The following UNC5C variants were observed in gnomAD, a reference collection of about 807,000 sequenced individuals.
UNC5C encodes unc-5 netrin receptor C, also known as netrin receptor UNC5C.
Under a neutral mutation model 99.8 loss-of-function variants are expected in UNC5C, and 47 were observed. The ratio of observed to expected loss-of-function variants is 0.47; its 90% CI spans 0.37 to 0.60. The LOEUF is 0.60. Among genes scored for constraint, UNC5C ranks in the 20% least tolerant of loss-of-function variants. The pLI, the probability that UNC5C is intolerant of heterozygous loss-of-function variation, is 0.00. For missense variants in UNC5C, 1,062 were observed against 1,165.9 expected, an observed-to-expected ratio of 0.91 and a Z score of 1.30; for synonymous variants, 487 against 452.2, an observed-to-expected ratio of 1.08 and a Z score of -0.98.
At chr4:95,224,961 C>T (rs777307770) in intron 7 of UNC5C, among the ~76,000 whole-genome samples, 1 of 150,188 alleles carries the variant, frequency 6.7e-6, no homozygotes, top group African/African-American at 2.5e-5. Flanking sequence ...ACAATAAATA[C>T]GAAAGTCCTG....
At chr4:95,270,309 A>G (rs1475495479) in intron 4 of UNC5C, among the ~76,000 whole-genome samples, 1 of 152,200 alleles carries the variant, frequency 6.6e-6, no homozygotes, top group East Asian at 1.9e-4. Context: ...TGTGTTGACC[A>G]CTGTGAAATA....
intron 1 of UNC5C, among the ~76,000 whole-genome samples, chr4:95,545,562 A>C (rs904893524): frequency 3.3e-5 from 5 of 152,162 alleles, no homozygotes; most frequent in Admixed American, 1.3e-4. Flanking sequence ...TAAAAAAAAA[A>C]ACTATGAATT....
At position 95,168,442 on chromosome 4, in the gene UNC5C, A is replaced by T. The variant is rs906737544; in HGVS notation, c.*792T>A. Reference sequence around the variant, plus strand: ...ACCTGTAAATAATAATAATACCTTTAAAAAAAAACACTTCATATTGCATAT... The same window carrying T: ...ACCTGTAAATAATAATAATACCTTTTAAAAAAAACACTTCATATTGCATAT... On this transcript the variant is annotated 3_prime_UTR_variant, in exon 16 of 16. Coordinates refer to ENST00000453304, the MANE Select transcript of UNC5C (RefSeq NM_003728.4). 3 of 149,490 alleles carry T rather than the reference A, an allele frequency of 2.0e-5. No individual in the cohort carries two copies. Among genetic ancestry groups the T allele is most frequent in the Non-Finnish European group, 4.5e-5 (3 of 67,168 alleles). 9.3% of individuals were successfully genotyped at this position (149,490 alleles called of 1,614,324 possible).
At chr4:95,462,227 ATAT>A (rs1247377333) in intron 1 of UNC5C, among the ~76,000 whole-genome samples, 2 of 152,146 alleles carry the variant, frequency 1.3e-5, no homozygotes. Flanking sequence ...ATGTGTACAC[ATAT>A]TATACCAAAG....
intron 7 of UNC5C, among the ~76,000 whole-genome samples, chr4:95,227,526 G>A (rs1738745189): frequency 6.6e-6 from 1 of 152,126 alleles, no homozygotes; most frequent in African/African-American, 2.4e-5. Flanking sequence ...ACAGACTAAA[G>A]GAGATTCGAT....
chr4:95,237,610 A>G (rs2149376292), intron 7 of UNC5C, among the ~76,000 whole-genome samples: 1 of 152,328 alleles, frequency 6.6e-6, no homozygotes. Context: ...TCTAAAAACT[A>G]TAAAGCCCAT....
chr4:95,291,412 C>T (rs1421691465), intron 3 of UNC5C, among the ~76,000 whole-genome samples: 1 of 152,152 alleles, frequency 6.6e-6, no homozygotes, highest in African/African-American at 2.4e-5. Context: ...TAGCCATAAA[C>T]TTCACTTTTC....
At chr4:95,367,380 T>A (rs544436195) in intron 1 of UNC5C, among the ~76,000 whole-genome samples, 1 of 151,992 alleles carries the variant, frequency 6.6e-6, no homozygotes, top group African/African-American at 2.4e-5. Context: ...GGTTTCGCCA[T>A]GTTGCCCAGG....
In UNC5C at chr4:95,165,161, A is replaced by G. The variant is rs984949252; in HGVS notation, c.*4073T>C. On this transcript the variant is annotated 3_prime_UTR_variant, in exon 16 of 16. Coordinates refer to ENST00000453304, the MANE Select transcript of UNC5C (RefSeq NM_003728.4). ...TCCACCCTCAAAACGTTGACTTTTC[A>G]GATACCTTACTTGTAGGAAAAAATA... 1.3e-5 allele frequency: 2 copies of G among 152,226 alleles called. No homozygotes were observed. The highest frequency in any genetic ancestry group is 2.9e-5 in the Non-Finnish European group (2 of 68,032). 9.4% of individuals were successfully genotyped at this position (152,226 alleles called of 1,614,324 possible).
intron 1 of UNC5C, among the ~76,000 whole-genome samples, chr4:95,399,279 TTAA>T (rs1422151609): frequency 6.6e-6 from 1 of 152,158 alleles, no homozygotes. Context: ...ACCAATTACT[TTAA>T]TTTCGGCAGT....
chr4:95,254,490 G>A (rs1292793007), intron 4 of UNC5C, among the ~76,000 whole-genome samples: 1 of 152,126 alleles, frequency 6.6e-6, no homozygotes, highest in African/African-American at 2.4e-5. Flanking sequence ...AGCTCCCCAA[G>A]GGTTGTAATT....
chr4:95,164,842 A>G lies in UNC5C; in HGVS notation c.*4392T>C, dbSNP rs1735801359. 1 of 152,254 alleles carries G rather than the reference A, an allele frequency of 6.6e-6. No homozygotes were observed. The highest frequency in any genetic ancestry group is 1.5e-5 in the Non-Finnish European group (1 of 68,052). The allele number at this position is 152,254 out of a possible 1,614,324, so 9.4% of individuals were successfully genotyped here. ...CCCAGCAAAAGCTAAGACTCATTCA[A>G]CTTGAAGGCTTGAAAACCCAACAAG... On this transcript the variant is annotated 3_prime_UTR_variant, in exon 16 of 16. Transcript: ENST00000453304.
At chr4:95,284,685 A>T (rs1229669965) in intron 3 of UNC5C, among the ~76,000 whole-genome samples, 1 of 152,184 alleles carries the variant, frequency 6.6e-6, no homozygotes, top group African/African-American at 2.4e-5. Context: ...ACAAAAGCAG[A>T]TGAAAATTCA....
At chr4:95,319,770 A>C (rs1043748438) in intron 2 of UNC5C, among the ~76,000 whole-genome samples, 3 of 152,128 alleles carry the variant, frequency 2.0e-5, no homozygotes, top group Non-Finnish European at 2.9e-5. Context: ...TTTTTAACTA[A>C]AAAGTTCTCT....
At chr4:95,488,861 C>T (rs1721400737) in intron 1 of UNC5C, among the ~76,000 whole-genome samples, 1 of 151,732 alleles carries the variant, frequency 6.6e-6, no homozygotes, top group Admixed American at 6.6e-5. Context: ...AGCTCACTCT[C>T]ACACAACTAT....
chr4:95,287,911 A>G (rs1185868141), intron 3 of UNC5C, among the ~76,000 whole-genome samples: 2 of 152,142 alleles, frequency 1.3e-5, no homozygotes, highest in Non-Finnish European at 2.9e-5. Context: ...GGTGCTGGGT[A>G]TATAGCAGTG....
intron 1 of UNC5C, among the ~76,000 whole-genome samples, chr4:95,479,084 T>G: frequency 6.6e-6 from 1 of 151,942 alleles, no homozygotes; most frequent in Non-Finnish European, 1.5e-5. Flanking sequence ...ATCTCTTTTC[T>G]TATAAATTAC....
At chr4:95,172,168 A>C (rs986878797) in intron 14 of UNC5C, among the ~76,000 whole-genome samples, 5 of 148,472 alleles carry the variant, frequency 3.4e-5, no homozygotes, top group African/African-American at 1.2e-4. Flanking sequence ...GGTTGCGAAA[A>C]TTTTCTCCCA....
chr4:95,243,729 G>A (rs968047241), intron 6 of UNC5C, among the ~76,000 whole-genome samples: 1 of 152,062 alleles, frequency 6.6e-6, no homozygotes, highest in Non-Finnish European at 1.5e-5. Flanking sequence ...AATGAGAAAA[G>A]CATTAATATT....
Sources: gnomAD v4.1 joint callset for allele counts (sites outside exome capture counted in the v4.1 genomes callset) on GRCh38, gnomAD v4.1.1 for gene constraint, MANE v1.5 for transcripts, NCBI Gene and HGNC (gene_info 2026-07-23, HGNC 2026-07-21) for gene names.